The following ALX4 variants were observed in gnomAD, a reference collection of about 807,000 sequenced individuals.
ALX4 encodes the protein homeobox protein aristaless-like 4.
Under a neutral mutation model 40.6 loss-of-function variants are expected in ALX4, and 22 were observed. The ratio of observed to expected loss-of-function variants is 0.54; its 90% CI spans 0.39 to 0.77. ALX4 has a LOEUF of 0.77. Ranked by LOEUF, ALX4 falls within the 30% of genes least tolerant of loss-of-function variation. The pLI is 0.00. For synonymous variants in ALX4, 266 were observed against 240.5 expected, an observed-to-expected ratio of 1.11 and a Z score of -0.98; for missense variants, 556 against 564.8, an observed-to-expected ratio of 0.98 and a Z score of 0.16.
At chr11:44,295,972 C>G (rs115051602) in intron 1 of ALX4, among the ~76,000 whole-genome samples, 1 of 152,174 alleles carries the variant, frequency 6.6e-6, no homozygotes, top group Non-Finnish European at 1.5e-5. Context: ...CTCCAGGTCC[C>G]GGAAAACAAA....
At chr11:44,273,455 G>A (rs759050321) in intron 2 of ALX4, among the ~76,000 whole-genome samples, 3 of 152,114 alleles carry the variant, frequency 2.0e-5, no homozygotes, top group African/African-American at 7.2e-5. Flanking sequence ...ATTCATGCTG[G>A]TCGGGGCAGA....
intron 1 of ALX4, among the ~76,000 whole-genome samples, chr11:44,288,834 A>G (rs910843825): frequency 1.8e-4 from 28 of 152,366 alleles, no homozygotes; most frequent in African/African-American, 6.0e-4. Flanking sequence ...AGTCCAAATG[A>G]GTAAAGTTTC....
At chr11:44,308,544 G>A (rs1049783849) in intron 1 of ALX4, among the ~76,000 whole-genome samples, 1 of 152,214 alleles carries the variant, frequency 6.6e-6, no homozygotes, top group Admixed American at 6.5e-5. Context: ...TTCCCCTTCC[G>A]CTTTGGGGTT....
chr11:44,296,394 T>C (rs780332181), intron 1 of ALX4, among the ~76,000 whole-genome samples: 7 of 152,198 alleles, frequency 4.6e-5, no homozygotes, highest in Non-Finnish European at 1.0e-4. Context: ...ACTGGAGTTA[T>C]TGACGATTTC....
At chr11:44,295,983 T>C (rs553450312) in intron 1 of ALX4, among the ~76,000 whole-genome samples, 1 of 152,254 alleles carries the variant, frequency 6.6e-6, no homozygotes, top group East Asian at 1.9e-4. Context: ...GGAAAACAAA[T>C]GTGTCCTTGA....
chr11:44,292,537 A>C (rs1317586641), intron 1 of ALX4, among the ~76,000 whole-genome samples: 1 of 152,116 alleles, frequency 6.6e-6, no homozygotes, highest in Non-Finnish European at 1.5e-5. Context: ...TACTTTAGGA[A>C]AGTCATCAAC....
chr11:44,278,451 G>T (rs1018635871), intron 1 of ALX4, among the ~76,000 whole-genome samples: 3 of 152,184 alleles, frequency 2.0e-5, no homozygotes, highest in East Asian at 1.9e-4. Context: ...TCCATCTTGT[G>T]GGGGGCAGGA....
At chr11:44,268,001 T>G (rs958709536) in intron 2 of ALX4, among the ~76,000 whole-genome samples, 10 of 152,354 alleles carry the variant, frequency 6.6e-5, no homozygotes, top group African/African-American at 2.4e-4. Flanking sequence ...CTCCTCCAGA[T>G]GTGTTCTCCT....
At chr11:44,304,874 C>A (rs1441649977) in intron 1 of ALX4, among the ~76,000 whole-genome samples, 3 of 152,196 alleles carry the variant, frequency 2.0e-5, no homozygotes, top group African/African-American at 7.2e-5. Context: ...GCAGCGCGTG[C>A]GGCTCAGGGC....
intron 1 of ALX4, among the ~76,000 whole-genome samples, chr11:44,295,569 C>T (rs1269040257): frequency 6.6e-6 from 1 of 152,236 alleles, no homozygotes; most frequent in African/African-American, 2.4e-5. Flanking sequence ...CCCTGGAGCC[C>T]CAGCCCCTGG....
rs2119923220 is a variant in ALX4 at position 44,309,598 on chromosome 11, G to A, written c.465C>T (p.Tyr155=). Residue 155 remains tyrosine (Y), a splice_region_variant and synonymous_variant, in exon 1 of 4, where the codon TAC becomes TAT. Transcript: ENST00000652299. ...CAGGTGACCCGCACGTGCACTCACC[G>A]TAGCAGGGAACCTGCAAGGCCGCGC... ...GHSAALQVPC[Y]AKESSLGEPE... is the part of the protein sequence containing the mutation. 4 of 1,581,946 alleles carry A rather than the reference G, an allele frequency of 2.5e-6. No homozygotes were observed. Among genetic ancestry groups the A allele is most frequent in the Non-Finnish European group, 3.4e-6 (4 of 1,172,738 alleles).
intron 1 of ALX4, among the ~76,000 whole-genome samples, chr11:44,288,802 T>C (rs1370915484): frequency 6.6e-6 from 1 of 152,252 alleles, no homozygotes; most frequent in Non-Finnish European, 1.5e-5. Flanking sequence ...GAGTCTACTG[T>C]AATTTCAACT....
chr11:44,290,008 G>A (rs140495243), intron 1 of ALX4, among the ~76,000 whole-genome samples: 29 of 152,328 alleles, frequency 1.9e-4, no homozygotes, highest in African/African-American at 6.0e-4. Context: ...GCCAAGATGC[G>A]GAGGCCCAGA....
rs150424138 is a variant in ALX4, at chr11:44,275,520, A to C, written c.605T>G (p.Leu202Trp). The C allele has an allele frequency of 6.0e-5, 97 of 1,613,992 alleles. No individual in the cohort carries two copies. Among genetic ancestry groups the C allele is most frequent in the Non-Finnish European group, 7.5e-5 (88 of 1,180,002 alleles). Residue 202 changes from leucine (L) to tryptophan (W), a missense_variant, in exon 2 of 4, where the codon TTG becomes TGG. Transcript: ENST00000652299. ...DRASSDLPSP[L>W]EKADSESNKG... ...GTTGCTCTCTGAGTCGGCCTTCTCC[A>C]ATGGGCTGGGGAGGTCTGAGCTGGC...
chr11:44,271,693 T>C (rs1956248092), intron 2 of ALX4, among the ~76,000 whole-genome samples: 1 of 152,134 alleles, frequency 6.6e-6, no homozygotes, highest in Non-Finnish European at 1.5e-5. Flanking sequence ...TGGAAGTAGG[T>C]ATAAGTGTGT....
intron 1 of ALX4, 38 bp downstream of exon 1, chr11:44,309,559 G>A: frequency 6.5e-7 from 1 of 1,547,048 alleles, no homozygotes; most frequent in African/African-American, 1.4e-5. Context: ...CAAGCACCCC[G>A]TGGTCCCCAG....
chr11:44,291,431 C>T (rs1235557583), intron 1 of ALX4, among the ~76,000 whole-genome samples: 6 of 65,164 alleles, frequency 9.2e-5, no homozygotes, highest in African/African-American at 3.2e-4. Flanking sequence ...TTTTTGGAGA[C>T]AGGGTCTTGC....
At position 44,290,090 on chromosome 11, in the gene ALX4, T is replaced by A. The variant is rs150019873; in HGVS notation, c.467-14432A>T. On this transcript the variant is annotated intron_variant, in intron 1 of 3. Coordinates refer to ENST00000652299, the MANE Select transcript of ALX4 (RefSeq NM_021926.4). ...GCACCTCCTGCATCCAGCCCTGTGGTCTGTCTGCCCATTGTCCCTCTCAAG... is the reference window on the plus strand; with the variant it reads ...GCACCTCCTGCATCCAGCCCTGTGGACTGTCTGCCCATTGTCCCTCTCAAG... 5.9e-3 allele frequency among the ~76,000 whole-genome samples: 898 copies of A among 152,276 alleles called. 3 individuals carry two copies. The highest frequency in any genetic ancestry group is 9.0e-3 in the Non-Finnish European group (613 of 68,012).
intron 1 of ALX4, among the ~76,000 whole-genome samples, chr11:44,295,180 C>G (rs1956396084): frequency 6.6e-6 from 1 of 152,094 alleles, no homozygotes; most frequent in Non-Finnish European, 1.5e-5. Flanking sequence ...CTTATTTAAG[C>G]CTCACCCTAT....
Sources: allele counts gnomAD v4.1 joint callset (sites outside exome capture counted in the v4.1 genomes callset), GRCh38; gene constraint gnomAD v4.1.1; transcripts MANE v1.5; gene names NCBI Gene and HGNC (gene_info 2026-07-23, HGNC 2026-07-21).